The following NRG3 variants were observed in gnomAD, a reference collection of about 807,000 sequenced individuals.
NRG3 encodes the protein pro-neuregulin-3, membrane-bound isoform.
Under a neutral mutation model 66.9 loss-of-function variants are expected in NRG3, and 31 were observed. The ratio of observed to expected loss-of-function variants is 0.46; its 90% CI spans 0.35 to 0.63. The LOEUF (loss-of-function observed/expected upper bound fraction) is 0.63, where lower values mean the gene tolerates loss of function less well. NRG3 is among the 20% of genes least tolerant of loss of function. NRG3 has a pLI of 0.00. For synonymous variants in NRG3, 393 were observed against 359.4 expected (o/e 1.09, Z -1.06); for missense variants, 910 against 878.9 (o/e 1.04, Z -0.45).
chr10:81,915,505 T>TTTTTTTTTTTTTTTTTCC (rs1564654214), intron 1 of NRG3, among the ~76,000 whole-genome samples: 1 of 151,376 alleles, frequency 6.6e-6, no homozygotes, highest in African/African-American at 2.4e-5. Context: ...AGTTTTTTTT[T>TTTTTTTTTTTTTTTTTCC]TTTTTGCCAA....
At chr10:82,635,693 A>G (rs535805568) in intron 2 of NRG3, among the ~76,000 whole-genome samples, 3 of 152,308 alleles carry the variant, frequency 2.0e-5, no homozygotes, top group African/African-American at 4.8e-5. Flanking sequence ...TATTACTTGT[A>G]GTGCACCAAC....
chr10:82,944,592 C>A (rs989922090), intron 4 of NRG3, among the ~76,000 whole-genome samples: 1 of 152,122 alleles, frequency 6.6e-6, no homozygotes, highest in African/African-American at 2.4e-5. Context: ...CATGTTTTAT[C>A]CCTTCAATTT....
Position 82,003,892 on chromosome 10 carries a change from C to T in NRG3, c.823+127729C>T, listed in dbSNP as rs145688237. Among the ~76,000 whole-genome samples the T allele has an allele frequency of 2.8e-4, 42 of 151,896 alleles. 1 individual carries two copies. In the East Asian group the frequency reaches 6.0e-3, roughly 22 times the overall value. Reference sequence around the variant, plus strand: ...TTAGAGCTGGGTGTGTTGGCATGCACCTGCAGCCTCAGCTACTCCGGAGGC... The same window carrying T: ...TTAGAGCTGGGTGTGTTGGCATGCATCTGCAGCCTCAGCTACTCCGGAGGC... On this transcript the variant is annotated intron_variant, in intron 1 of 8. Transcript: ENST00000372141.
intron 1 of NRG3, among the ~76,000 whole-genome samples, chr10:82,098,776 G>A (rs937215033): frequency 6.6e-6 from 1 of 151,288 alleles, no homozygotes; most frequent in African/African-American, 2.4e-5. Context: ...TTTTGTTTTT[G>A]TTTTTGAGGC....
chr10:82,477,481 G>A (rs1332404160), intron 2 of NRG3, among the ~76,000 whole-genome samples: 1 of 152,114 alleles, frequency 6.6e-6, no homozygotes, highest in East Asian at 1.9e-4. Flanking sequence ...ATGTGTCCGA[G>A]CAAGTATTTG....
chr10:82,950,753 G>A (rs750391409), intron 4 of NRG3, among the ~76,000 whole-genome samples: 1 of 152,206 alleles, frequency 6.6e-6, no homozygotes, highest in Non-Finnish European at 1.5e-5. Flanking sequence ...TGATGAGATG[G>A]AAGAATTGTT....
chr10:82,238,919 T>TATATATATATATATATATATACAC (rs372472574), intron 1 of NRG3, among the ~76,000 whole-genome samples: 2 of 142,142 alleles, frequency 1.4e-5, no homozygotes, highest in Admixed American at 1.4e-4. Context: ...ACCGTATATA[T>TATATATATATATATATATATACAC]ATATATATAA....
chr10:82,502,164 GT>G (rs528433486), intron 2 of NRG3, among the ~76,000 whole-genome samples: 10 of 151,970 alleles, frequency 6.6e-5, no homozygotes, highest in East Asian at 3.9e-4. Context: ...AAAAATTAGG[GT>G]TTTTTTTGTT....
chr10:82,790,699 A>C (rs1202461920), intron 3 of NRG3, among the ~76,000 whole-genome samples: 2 of 152,022 alleles, frequency 1.3e-5, no homozygotes, highest in African/African-American at 4.8e-5. Flanking sequence ...TAGGACTTCC[A>C]TTATGCATAT....
At chr10:81,913,515 C>A (rs1332000017) in intron 1 of NRG3, among the ~76,000 whole-genome samples, 5 of 151,992 alleles carry the variant, frequency 3.3e-5, no homozygotes, top group African/African-American at 1.2e-4. Context: ...CCTCTGCCTC[C>A]CGGGTTCAAG....
At chr10:81,919,058 A>T (rs1308843595) in intron 1 of NRG3, among the ~76,000 whole-genome samples, 2 of 151,662 alleles carry the variant, frequency 1.3e-5, no homozygotes, top group Non-Finnish European at 2.9e-5. Context: ...TCCTGTTTCC[A>T]TTGTGTTTGG....
rs1336961443 is a variant in NRG3, at chr10:82,244,737, T to C, written c.824-114002T>C. ...AACTCAAGTGCATTACAATTATTGA[T>C]TGACTGATTGATTGGAGACAGAGTC... is the stretch of plus-strand genomic sequence containing the variant. On this transcript the variant is annotated intron_variant, in intron 1 of 8. Transcript: ENST00000372141. Among the ~76,000 whole-genome samples, 4 of 152,088 alleles carry C rather than the reference T, an allele frequency of 2.6e-5. No homozygotes were observed. The East Asian group carries it at 7.8e-4, about 30-fold the overall frequency.
At chr10:82,670,065 T>G (rs988239171) in intron 2 of NRG3, among the ~76,000 whole-genome samples, 1 of 152,146 alleles carries the variant, frequency 6.6e-6, no homozygotes, top group Non-Finnish European at 1.5e-5. Context: ...TAAAAAAAAT[T>G]AATAACTTTA....
chr10:82,898,715 CTTT>C (rs765058089), intron 4 of NRG3, among the ~76,000 whole-genome samples: 3 of 89,388 alleles, frequency 3.4e-5, no homozygotes, highest in Admixed American at 1.4e-4. Flanking sequence ...GGAGTTTTAC[CTTT>C]TTTTTTTTTT....
intron 1 of NRG3, among the ~76,000 whole-genome samples, chr10:82,140,605 A>G (rs1414471451): frequency 1.3e-5 from 2 of 152,072 alleles, no homozygotes; most frequent in Non-Finnish European, 2.9e-5. Context: ...AGTGACTCAC[A>G]TCTTTAGTCC....
At chr10:82,354,818 C>G (rs1391429823) in intron 1 of NRG3, among the ~76,000 whole-genome samples, 1 of 152,138 alleles carries the variant, frequency 6.6e-6, no homozygotes, top group Non-Finnish European at 1.5e-5. Flanking sequence ...GTCAGACAGT[C>G]AGATGGGAGC....
chr10:82,077,048 A>C (rs1376442456), intron 1 of NRG3, among the ~76,000 whole-genome samples: 3 of 152,332 alleles, frequency 2.0e-5, no homozygotes, highest in Non-Finnish European at 2.9e-5. Flanking sequence ...ACCCTAGAAT[A>C]AAATTTTGGC....
chr10:82,702,393 G>A (rs887922928), intron 2 of NRG3, among the ~76,000 whole-genome samples: 1 of 152,114 alleles, frequency 6.6e-6, no homozygotes, highest in Non-Finnish European at 1.5e-5. Flanking sequence ...TTGGAACAAC[G>A]ATAATTACCA....
intron 3 of NRG3, among the ~76,000 whole-genome samples, chr10:82,839,300 T>G (rs1264901403): frequency 6.6e-6 from 1 of 152,142 alleles, no homozygotes; most frequent in Non-Finnish European, 1.5e-5. Context: ...GCTTTTTGGG[T>G]CAGGAAAACA....
Sources: gnomAD v4.1 joint callset for allele counts (sites outside exome capture counted in the v4.1 genomes callset) on GRCh38, gnomAD v4.1.1 for gene constraint, MANE v1.5 for transcripts, NCBI Gene and HGNC (gene_info 2026-07-23, HGNC 2026-07-21) for gene names.